Variants in PLXNA4 observed in about 807,000 individuals in gnomAD.
The protein encoded by PLXNA4 is plexin A4, also known as plexin-A4.
In PLXNA4, 44 loss-of-function variants were observed where a neutral mutation model predicts 191.8. That is an observed-to-expected ratio of 0.23 (90% CI 0.18 to 0.29). PLXNA4 has a LOEUF of 0.29. PLXNA4 is among the 10% of genes least tolerant of loss of function. The pLI is 1.00. For synonymous variants in PLXNA4, 1,082 were observed against 1,009.5 expected, an observed-to-expected ratio of 1.07 and a Z score of -1.36; for missense variants, 1,800 against 2,488.8, an observed-to-expected ratio of 0.72 and a Z score of 5.89.
At chr7:132,447,754 G>A (rs868699453) in intron 3 of PLXNA4, among the ~76,000 whole-genome samples, 2 of 151,936 alleles carry the variant, frequency 1.3e-5, no homozygotes, top group Non-Finnish European at 1.5e-5. Flanking sequence ...TTGGGAGGCC[G>A]AGTTGGGCAG....
Position 132,132,423 on chromosome 7 carries a change from T to C in PLXNA4, c.5589+626A>G, listed in dbSNP as rs556144305. Among the ~76,000 whole-genome samples the C allele has an allele frequency of 2.5e-3, 191 of 75,806 alleles. 7 individuals are homozygous for C. In the South Asian group the frequency reaches 0.07, roughly 28 times the overall value. The allele number at this position is 75,806 out of a possible 152,430, so 49.7% of individuals were successfully genotyped here. A position where few individuals can be genotyped will look rare whatever the true frequency, so the allele number is the denominator to read the frequency against. On this transcript the variant is annotated intron_variant, in intron 31 of 31. Transcript: ENST00000321063. ...TTCTGTTCTGTTCTGTTCTGTTCTG[T>C]TCTGTTCTGTTCTGTTCTGTTCTGT...
chr7:132,337,767 C>T (rs562267375), intron 3 of PLXNA4, among the ~76,000 whole-genome samples: 2 of 152,302 alleles, frequency 1.3e-5, no homozygotes, highest in East Asian at 1.9e-4. Flanking sequence ...GTATGAGGCT[C>T]TCCTTGTAAC....
At chr7:132,614,062 T>C (rs1183269642) in intron 2 of PLXNA4, among the ~76,000 whole-genome samples, 1 of 152,212 alleles carries the variant, frequency 6.6e-6, no homozygotes, top group Non-Finnish European at 1.5e-5. Context: ...GAGAATGTGC[T>C]TTCACCCAGT....
At chr7:132,417,129 C>T (rs1455465164) in intron 3 of PLXNA4, among the ~76,000 whole-genome samples, 4 of 152,250 alleles carry the variant, frequency 2.6e-5, no homozygotes, top group Non-Finnish European at 4.4e-5. Context: ...TCCCGCTTCC[C>T]CCTGGCCTCA....
intron 3 of PLXNA4, among the ~76,000 whole-genome samples, chr7:132,442,107 G>C (rs1442772981): frequency 6.6e-6 from 1 of 152,226 alleles, no homozygotes; most frequent in Non-Finnish European, 1.5e-5. Context: ...AGCCCTTAAT[G>C]ATCTCACGTG....
chr7:132,321,214 T>TGGCAG (rs1386989659), intron 3 of PLXNA4, among the ~76,000 whole-genome samples: 1 of 152,162 alleles, frequency 6.6e-6, no homozygotes, highest in East Asian at 1.9e-4. Context: ...GAGAAGAGCT[T>TGGCAG]GGCAGGGGTT....
intron 3 of PLXNA4, among the ~76,000 whole-genome samples, chr7:132,400,761 C>G (rs1378318966): frequency 1.3e-5 from 2 of 152,222 alleles, no homozygotes; most frequent in African/African-American, 2.4e-5. Context: ...TAGATGTCCT[C>G]CTCGGGAAAG....
chr7:132,387,858 C>T (rs566885636), intron 3 of PLXNA4, among the ~76,000 whole-genome samples: 22 of 152,188 alleles, frequency 1.4e-4, no homozygotes, highest in Admixed American at 2.6e-4. Context: ...TGCCCTCAGC[C>T]GGAACCATGT....
At chr7:132,145,389 C>A in intron 28 of PLXNA4, 101 bp from the exon 29 acceptor site, 1 of 1,524,138 alleles carries the variant, frequency 6.6e-7, no homozygotes, top group Non-Finnish European at 8.9e-7. Flanking sequence ...GGATGGTATA[C>A]AGCCCACCCT....
chr7:132,168,395 C>G lies in PLXNA4; in HGVS notation c.4195G>C (p.Glu1399Gln). 2 of 1,613,556 alleles carry G rather than the reference C, an allele frequency of 1.2e-6. No individual in the cohort carries two copies. The highest frequency in any genetic ancestry group is 1.7e-5 in the Admixed American group (1 of 60,000). The part of the protein sequence containing the change: ...LIMTVLQSKL[E>Q]YATDVLKQLL... ...TGCTTCAGCACATCAGTGGCGTACT[C>G]CAGCTTGCTCTGCAGCACGGTCATG... The change falls in exon 22 of 32, where the codon GAG becomes CAG. Residue 1399 changes from glutamate to glutamine, a missense_variant. Glu to Gln is a conservative substitution (Grantham distance 29). Coordinates refer to ENST00000321063, the MANE Select transcript of PLXNA4 (RefSeq NM_020911.2).
chr7:132,344,540 C>T (rs1803167135), intron 3 of PLXNA4, among the ~76,000 whole-genome samples: 1 of 152,048 alleles, frequency 6.6e-6, no homozygotes, highest in Non-Finnish European at 1.5e-5. Flanking sequence ...ACTACCAGCC[C>T]CTGTCCAATG....
At chr7:132,425,079 T>C (rs181889562) in intron 3 of PLXNA4, among the ~76,000 whole-genome samples, 9 of 152,294 alleles carry the variant, frequency 5.9e-5, no homozygotes, top group Non-Finnish European at 7.4e-5. Flanking sequence ...CAGAAAACCA[T>C]TCCTGGACCC....
At chr7:132,501,612 C>T (rs1016081531) in intron 2 of PLXNA4, among the ~76,000 whole-genome samples, 1 of 152,208 alleles carries the variant, frequency 6.6e-6, no homozygotes, top group Non-Finnish European at 1.5e-5. Context: ...ACACAAAGCA[C>T]CATGCACACT....
intron 2 of PLXNA4, among the ~76,000 whole-genome samples, chr7:132,620,306 T>C (rs1048042643): frequency 6.6e-6 from 1 of 152,230 alleles, no homozygotes; most frequent in Admixed American, 6.5e-5. Flanking sequence ...TTGTTCTGTT[T>C]AGTTTTTGTT....
intron 2 of PLXNA4, among the ~76,000 whole-genome samples, chr7:132,501,074 G>T: frequency 6.7e-6 from 1 of 149,528 alleles, no homozygotes; most frequent in East Asian, 2.0e-4. Flanking sequence ...TTTTGGCAGG[G>T]TTATCTCACA....
At chr7:132,321,839 C>G (rs979214748) in intron 3 of PLXNA4, among the ~76,000 whole-genome samples, 2 of 151,902 alleles carry the variant, frequency 1.3e-5, no homozygotes, top group African/African-American at 4.8e-5. Flanking sequence ...AGGAGAGTTT[C>G]AAGTTTCTGG....
At chr7:132,587,684 G>A (rs1019591095) in intron 2 of PLXNA4, among the ~76,000 whole-genome samples, 8 of 152,092 alleles carry the variant, frequency 5.3e-5, no homozygotes, top group Non-Finnish European at 1.2e-4. Context: ...TTACTAAGGA[G>A]GGAAGTCAAG....
At chr7:132,141,499 C>G (rs1795267825) in intron 29 of PLXNA4, among the ~76,000 whole-genome samples, 2 of 152,194 alleles carry the variant, frequency 1.3e-5, no homozygotes, top group African/African-American at 4.8e-5. Flanking sequence ...ATGAATGAGA[C>G]ACATCCTCTG....
chr7:132,235,654 T>G (rs527496539), intron 5 of PLXNA4, among the ~76,000 whole-genome samples: 1 of 152,242 alleles, frequency 6.6e-6, no homozygotes, highest in East Asian at 1.9e-4. Flanking sequence ...TGATGACTTT[T>G]CTTAAGAAAG....
Sources: allele counts gnomAD v4.1 joint callset (sites outside exome capture counted in the v4.1 genomes callset), GRCh38; gene constraint gnomAD v4.1.1; transcripts MANE v1.5; gene names NCBI Gene and HGNC (gene_info 2026-07-23, HGNC 2026-07-21).